PALM2AKAP2: variants seen among roughly 807,000 people sequenced by gnomAD.
The protein encoded by PALM2AKAP2 is PALM2 and AKAP2 fusion.
PALM2AKAP2 carries 37 observed loss-of-function variants against 71.5 expected under a neutral mutation model. The ratio of observed to expected loss-of-function variants is 0.52; its 90% CI spans 0.40 to 0.68. PALM2AKAP2 has a LOEUF of 0.68. PALM2AKAP2 is among the 30% of genes least tolerant of loss of function. The pLI, the probability that PALM2AKAP2 is intolerant of heterozygous loss-of-function variation, is 0.00. For synonymous variants in PALM2AKAP2, 468 were observed against 478.8 expected (o/e 0.98, Z 0.29); for missense variants, 1,224 against 1,191.8 (o/e 1.03, Z -0.40).
intron 3 of PALM2AKAP2, among the ~76,000 whole-genome samples, chr9:110,159,136 T>C (rs1836535395): frequency 6.6e-6 from 1 of 152,214 alleles, no homozygotes; most frequent in Non-Finnish European, 1.5e-5. Context: ...AGAGAGCAGA[T>C]GGATTGCTGG....
chr9:109,709,348 G>T (rs58370608), intron 1 of PALM2AKAP2, among the ~76,000 whole-genome samples: 20,595 of 152,196 alleles, frequency 0.14, 1,680 homozygotes, highest in East Asian at 0.37. Context: ...TGCCTCCCAT[G>T]TGACTTTGTC....
chr9:109,647,802 T>C (rs1191011674), intron 1 of PALM2AKAP2, among the ~76,000 whole-genome samples: 2 of 152,200 alleles, frequency 1.3e-5, no homozygotes, highest in Non-Finnish European at 2.9e-5. Context: ...AAATATCTCA[T>C]TGACTTTTAA....
chr9:110,052,191 C>T (rs1376849609), intron 1 of PALM2AKAP2, among the ~76,000 whole-genome samples: 1 of 152,182 alleles, frequency 6.6e-6, no homozygotes, highest in South Asian at 2.1e-4. Context: ...CATGAGCCAT[C>T]ATGCCCGGCC....
chr9:109,655,504 TAAG>T (rs1827291087), intron 1 of PALM2AKAP2, among the ~76,000 whole-genome samples: 1 of 152,142 alleles, frequency 6.6e-6, no homozygotes, highest in Admixed American at 6.5e-5. Context: ...TCAGTGGCAT[TAAG>T]TACATTAACC....
chr9:109,720,680 T>A (rs1341398362), intron 1 of PALM2AKAP2, among the ~76,000 whole-genome samples: 1 of 152,218 alleles, frequency 6.6e-6, no homozygotes, highest in Non-Finnish European at 1.5e-5. Context: ...TTTAAAGTCA[T>A]TTCATATGTG....
At chr9:109,915,833 G>A (rs866836581) in intron 3 of PALM2AKAP2, among the ~76,000 whole-genome samples, 20 of 152,050 alleles carry the variant, frequency 1.3e-4, no homozygotes, top group African/African-American at 4.6e-4. Flanking sequence ...GCCCACCTGA[G>A]TTCACAGACA....
chr9:109,961,847 A>G (rs1460096646), intron 6 of PALM2AKAP2, among the ~76,000 whole-genome samples: 1 of 152,178 alleles, frequency 6.6e-6, no homozygotes, highest in Non-Finnish European at 1.5e-5. Flanking sequence ...ATTTTTGATC[A>G]GTTTCATATT....
At chr9:109,849,887 C>T (rs1330664252) in intron 1 of PALM2AKAP2, among the ~76,000 whole-genome samples, 1 of 152,186 alleles carries the variant, frequency 6.6e-6, no homozygotes, top group African/African-American at 2.4e-5. Flanking sequence ...CCTTTCATTA[C>T]ATTAGGCCTT....
chr9:109,790,830 A>G (rs1433984018), intron 1 of PALM2AKAP2, among the ~76,000 whole-genome samples: 1 of 152,220 alleles, frequency 6.6e-6, no homozygotes, highest in Non-Finnish European at 1.5e-5. Flanking sequence ...ATATCTAAAA[A>G]GCTTAAGGCT....
At position 109,943,046 on chromosome 9, in the gene PALM2AKAP2, C is replaced by T. The variant is rs1230060450; in HGVS notation, c.496+11018C>T. ...GTACATAAGTCTAGGAAAGACCATTCTTCCGGGAACCCAGGGCAGCAGGCC... is the reference window on the plus strand; with the variant it reads ...GTACATAAGTCTAGGAAAGACCATTTTTCCGGGAACCCAGGGCAGCAGGCC... On this transcript the variant is annotated intron_variant, in intron 6 of 9. Transcript: ENST00000302798. The T allele has an allele frequency of 2.5e-6, 4 of 1,614,106 alleles. No homozygotes were observed. In the Admixed American group the frequency reaches 6.7e-5, roughly 27 times the overall value.
chr9:110,026,408 A>G (rs1833183001), intron 7 of PALM2AKAP2, among the ~76,000 whole-genome samples: 1 of 152,018 alleles, frequency 6.6e-6, no homozygotes, highest in South Asian at 2.1e-4. Context: ...TTCCCTTCAC[A>G]TCTTAGCCTT....
At chr9:109,672,758 G>A (rs551938742) in intron 1 of PALM2AKAP2, among the ~76,000 whole-genome samples, 17 of 151,858 alleles carry the variant, frequency 1.1e-4, no homozygotes, top group Non-Finnish European at 2.2e-4. Context: ...TTGGTAGGCT[G>A]TTTATTACTG....
chr9:110,135,762 C>T (rs1341520370), intron 1 of PALM2AKAP2, among the ~76,000 whole-genome samples: 2 of 152,202 alleles, frequency 1.3e-5, no homozygotes, highest in Non-Finnish European at 2.9e-5. Flanking sequence ...AAGATCTGTT[C>T]ATACAAAAGG....
intron 1 of PALM2AKAP2, among the ~76,000 whole-genome samples, chr9:109,758,633 T>C (rs1177156737): frequency 1.3e-5 from 2 of 151,630 alleles, no homozygotes; most frequent in African/African-American, 4.8e-5. Flanking sequence ...TTTCTCACAG[T>C]CCTATCCAGA....
intron 2 of PALM2AKAP2, among the ~76,000 whole-genome samples, chr9:109,871,305 A>C (rs986868135): frequency 2.0e-5 from 3 of 152,176 alleles, no homozygotes; most frequent in African/African-American, 7.2e-5. Flanking sequence ...AAATGGTAAA[A>C]TACTAACTGC....
At chr9:109,662,673 T>A (rs922149907) in intron 1 of PALM2AKAP2, among the ~76,000 whole-genome samples, 1 of 152,126 alleles carries the variant, frequency 6.6e-6, no homozygotes, top group South Asian at 2.1e-4. Context: ...CAGGATGATG[T>A]TGGCCTCATA....
intron 7 of PALM2AKAP2, among the ~76,000 whole-genome samples, chr9:110,037,608 G>A (rs548889093): frequency 1.3e-5 from 2 of 152,330 alleles, no homozygotes; most frequent in South Asian, 4.1e-4. Flanking sequence ...TTACACTTCA[G>A]TAGGGTGAGA....
At chr9:109,862,892 C>T (rs763505019) in intron 1 of PALM2AKAP2, 13 of 513,796 alleles carry the variant, frequency 2.5e-5, no homozygotes, top group Admixed American at 1.4e-4. Context: ...ATGAACCAGC[C>T]GGGAAGATCA....
intron 2 of PALM2AKAP2, among the ~76,000 whole-genome samples, chr9:110,149,781 CTAA>C (rs1836266503): frequency 6.6e-6 from 1 of 152,130 alleles, no homozygotes; most frequent in African/African-American, 2.4e-5. Flanking sequence ...GACCTTGTCT[CTAA>C]TAATAATAAT....
Sources: gnomAD v4.1 joint callset for allele counts (sites outside exome capture counted in the v4.1 genomes callset) on GRCh38, gnomAD v4.1.1 for gene constraint, MANE v1.5 for transcripts, NCBI Gene and HGNC (gene_info 2026-07-23, HGNC 2026-07-21) for gene names.